Variants in METTL15 observed in about 807,000 individuals in gnomAD.
METTL15 encodes 12S rRNA N(4)-cytidine methyltransferase METTL15.
In METTL15, 34 loss-of-function variants were observed where a neutral mutation model predicts 38.3. That is an observed-to-expected ratio of 0.89 (90% confidence interval 0.68 to 1.18). The LOEUF (loss-of-function observed/expected upper bound fraction) is 1.18. Ranked by LOEUF, METTL15 falls within the 50% of genes most tolerant of loss-of-function variation. METTL15 has a pLI of 0.00. For synonymous variants in METTL15, 162 were observed against 170.9 expected, an observed-to-expected ratio of 0.95 and a Z score of 0.41; for missense variants, 438 against 498.4, an observed-to-expected ratio of 0.88 and a Z score of 1.15.
intron 6 of METTL15, among the ~76,000 whole-genome samples, chr11:28,323,218 ATGAC>A (rs1213029182): frequency 2.6e-5 from 4 of 151,996 alleles, no homozygotes; most frequent in Non-Finnish European, 5.9e-5. Flanking sequence ...TTTTTTAACA[ATGAC>A]TGTGTTTATA....
chr11:28,256,188 T>C (rs1435543685), intron 4 of METTL15, among the ~76,000 whole-genome samples: 2 of 152,228 alleles, frequency 1.3e-5, no homozygotes, highest in Non-Finnish European at 2.9e-5. Context: ...CTTGTTTTGG[T>C]ATCAGGGTAA....
At position 28,281,086 on chromosome 11, in the gene METTL15, G is replaced by T. The variant is rs1018627791; in HGVS notation, c.408-9120G>T. Among the ~76,000 whole-genome samples the T allele has an allele frequency of 2.0e-5, 3 of 152,046 alleles. No homozygotes were observed. The East Asian group carries it at 5.8e-4, about 29-fold the overall frequency. ...ACACATTGTTTTTTAAAAAATTATT[G>T]TGATAATTTGAGAGTCTTGAAGGTG... is the stretch of plus-strand genomic sequence containing the variant. On this transcript the variant is annotated intron_variant, in intron 4 of 6. Transcript: ENST00000407364.
At chr11:28,208,947 A>T (rs1809613591) in intron 3 of METTL15, among the ~76,000 whole-genome samples, 1 of 151,976 alleles carries the variant, frequency 6.6e-6, no homozygotes. Flanking sequence ...CTCAGGACAT[A>T]TGATGGGTTT....
chr11:28,137,100 C>T (rs1162435672), intron 3 of METTL15, among the ~76,000 whole-genome samples: 1 of 152,042 alleles, frequency 6.6e-6, no homozygotes, highest in Non-Finnish European at 1.5e-5. Flanking sequence ...TTTGGTAAAC[C>T]TTTTATCACA....
At chr11:28,288,698 A>C (rs1856388414) in intron 4 of METTL15, among the ~76,000 whole-genome samples, 1 of 152,146 alleles carries the variant, frequency 6.6e-6, no homozygotes, top group Non-Finnish European at 1.5e-5. Context: ...GGATCAGGAA[A>C]AATAACTAAT....
chr11:28,265,206 GT>G (rs1387314976), intron 4 of METTL15, among the ~76,000 whole-genome samples: 3 of 151,712 alleles, frequency 2.0e-5, no homozygotes, highest in Non-Finnish European at 4.4e-5. Flanking sequence ...AACAAATCCT[GT>G]TTAGTGGATC....
intron 3 of METTL15, among the ~76,000 whole-genome samples, chr11:28,191,630 T>C (rs954451208): frequency 6.6e-6 from 1 of 151,662 alleles, no homozygotes; most frequent in Non-Finnish European, 1.5e-5. Flanking sequence ...AATTATGAAC[T>C]CCAAGTATTA....
intron 6 of METTL15, among the ~76,000 whole-genome samples, chr11:28,502,729 G>C (rs997933732): frequency 6.6e-6 from 1 of 152,094 alleles, no homozygotes; most frequent in Non-Finnish European, 1.5e-5. Flanking sequence ...TGACCACTGG[G>C]ATGTTGAGGG....
chr11:28,276,288 T>C (rs1855840089), intron 4 of METTL15, among the ~76,000 whole-genome samples: 1 of 152,088 alleles, frequency 6.6e-6, no homozygotes, highest in Non-Finnish European at 1.5e-5. Context: ...AGTAACACTT[T>C]TATACACCAG....
chr11:28,343,610 C>A (rs937071321), intron 3 of METTL15, among the ~76,000 whole-genome samples: 1 of 152,196 alleles, frequency 6.6e-6, no homozygotes, highest in Non-Finnish European at 1.5e-5. Flanking sequence ...GGATCAAATG[C>A]TAAATCTAGT....
At chr11:28,456,185 A>T (rs551369781) in intron 6 of METTL15, among the ~76,000 whole-genome samples, 19 of 144,374 alleles carry the variant, frequency 1.3e-4, no homozygotes, top group Non-Finnish European at 2.8e-4. Flanking sequence ...TTTAAAAAAA[A>T]TTTTTGTAGA....
At chr11:28,244,357 T>C (rs183198383) in intron 4 of METTL15, among the ~76,000 whole-genome samples, 28 of 152,322 alleles carry the variant, frequency 1.8e-4, no homozygotes, top group Admixed American at 1.8e-3. Flanking sequence ...TTTAACATGA[T>C]ATTATGTAGA....
chr11:28,426,182 AGTGAGAAC>A (rs1850862314), intron 6 of METTL15, among the ~76,000 whole-genome samples: 1 of 152,066 alleles, frequency 6.6e-6, no homozygotes, highest in African/African-American at 2.4e-5. Flanking sequence ...CCCACTTATA[AGTGAGAAC>A]ATGCGGTATT....
intron 6 of METTL15, among the ~76,000 whole-genome samples, chr11:28,511,427 A>G (rs1417945868): frequency 2.0e-5 from 3 of 152,160 alleles, no homozygotes; most frequent in Non-Finnish European, 4.4e-5. Flanking sequence ...TTGTGTTCGG[A>G]ATTGGTGGGT....
intron 5 of METTL15, among the ~76,000 whole-genome samples, chr11:28,379,203 A>G (rs1177037191): frequency 6.6e-6 from 1 of 151,736 alleles, no homozygotes; most frequent in Non-Finnish European, 1.5e-5. Flanking sequence ...TTTAGTCTAA[A>G]TTATGTTTAA....
chr11:28,135,011 C>T (rs1849469063), intron 3 of METTL15, among the ~76,000 whole-genome samples: 1 of 152,150 alleles, frequency 6.6e-6, no homozygotes, highest in Admixed American at 6.5e-5. Context: ...AGATTTTTAT[C>T]ACCCATCCCT....
At chr11:28,430,480 A>G (rs1236228283) in intron 6 of METTL15, among the ~76,000 whole-genome samples, 15 of 22,474 alleles carry the variant, frequency 6.7e-4, no homozygotes, top group African/African-American at 1.5e-3. Context: ...CTGGCCAGCC[A>G]CCCCGTCCGG....
chr11:28,375,070 G>A (rs1353716869), intron 5 of METTL15, among the ~76,000 whole-genome samples: 22 of 150,086 alleles, frequency 1.5e-4, no homozygotes, highest in Non-Finnish European at 2.8e-4. Context: ...CGTTTTGCCA[G>A]TAGTTTATTT....
At chr11:28,235,838 A>G (rs1441607983) in intron 4 of METTL15, among the ~76,000 whole-genome samples, 2 of 152,134 alleles carry the variant, frequency 1.3e-5, no homozygotes, top group Admixed American at 6.5e-5. Flanking sequence ...AACTTCCCAC[A>G]CTATGTTGAA....
Sources: gnomAD v4.1 joint callset for allele counts (sites outside exome capture counted in the v4.1 genomes callset) on GRCh38, gnomAD v4.1.1 for gene constraint, MANE v1.5 for transcripts, NCBI Gene and HGNC (gene_info 2026-07-23, HGNC 2026-07-21) for gene names.